The following EPHA3 variants were observed in gnomAD, a reference collection of about 807,000 sequenced individuals.
EPHA3 encodes ephrin type-A receptor 3.
A neutral mutation model predicts 107.1 loss-of-function variants in EPHA3; 42 were observed. That is an observed-to-expected ratio of 0.39 (90% CI 0.31 to 0.51). The LOEUF (loss-of-function observed/expected upper bound fraction) is 0.51, where lower values mean the gene tolerates loss of function less well. Ranked by LOEUF, EPHA3 falls within the 20% of genes least tolerant of loss-of-function variation. The pLI is 0.78. For missense variants in EPHA3, 1,183 were observed against 1,211.2 expected (o/e 0.98, Z 0.35); for synonymous variants, 461 against 424.8 (o/e 1.09, Z -1.05).
intron 1 of EPHA3, among the ~76,000 whole-genome samples, chr3:89,114,281 CG>C (rs1260501827): frequency 6.6e-6 from 1 of 152,104 alleles, no homozygotes; most frequent in Non-Finnish European, 1.5e-5. Flanking sequence ...CAGAGCCGTA[CG>C]GGTAGAGACA....
At chr3:89,271,732 G>A (rs760284810) in intron 3 of EPHA3, among the ~76,000 whole-genome samples, 4 of 151,406 alleles carry the variant, frequency 2.6e-5, no homozygotes, top group Admixed American at 6.6e-5. Flanking sequence ...AAAAGAAGAA[G>A]GAAAAAGAAA....
At chr3:89,118,674 T>C (rs1318111467) in intron 1 of EPHA3, among the ~76,000 whole-genome samples, 3 of 151,906 alleles carry the variant, frequency 2.0e-5, no homozygotes, top group Non-Finnish European at 4.4e-5. Flanking sequence ...AATTGCCTGT[T>C]ACATAATGAC....
At chr3:89,207,692 G>A (rs1706140171) in intron 2 of EPHA3, among the ~76,000 whole-genome samples, 1 of 151,714 alleles carries the variant, frequency 6.6e-6, no homozygotes, top group African/African-American at 2.4e-5. Context: ...GAAAAATGTA[G>A]GAACACATTT....
chr3:89,245,202 T>C (rs1468424682), intron 3 of EPHA3, among the ~76,000 whole-genome samples: 1 of 152,230 alleles, frequency 6.6e-6, no homozygotes, highest in Non-Finnish European at 1.5e-5. Flanking sequence ...TAAAGATTTA[T>C]GTACTCTTTA....
At chr3:89,148,648 A>G (rs1479357935) in intron 2 of EPHA3, among the ~76,000 whole-genome samples, 2 of 152,002 alleles carry the variant, frequency 1.3e-5, no homozygotes, top group Non-Finnish European at 2.9e-5. Flanking sequence ...AACTTTCAGA[A>G]TAATAAAACA....
intron 3 of EPHA3, among the ~76,000 whole-genome samples, chr3:89,328,362 C>A (rs889159266): frequency 2.6e-5 from 4 of 152,138 alleles, no homozygotes; most frequent in African/African-American, 9.7e-5. Flanking sequence ...ATTAAGCATT[C>A]TCTACTCCTA....
At chr3:89,380,058 A>G (rs1352226653) in intron 5 of EPHA3, among the ~76,000 whole-genome samples, 1 of 152,200 alleles carries the variant, frequency 6.6e-6, no homozygotes, top group African/African-American at 2.4e-5. Flanking sequence ...TATATAGGCC[A>G]TATGTTAAGC....
intron 5 of EPHA3, among the ~76,000 whole-genome samples, chr3:89,350,228 A>T (rs1395697467): frequency 6.6e-6 from 1 of 150,588 alleles, no homozygotes; most frequent in Non-Finnish European, 1.5e-5. Flanking sequence ...ACTTGGTTCC[A>T]TTCTCCCCGT....
chr3:89,425,042 G>A (rs1466421288), intron 11 of EPHA3, among the ~76,000 whole-genome samples: 1 of 151,236 alleles, frequency 6.6e-6, no homozygotes, highest in Non-Finnish European at 1.5e-5. Context: ...ATTGTAACTG[G>A]CACAGTGGTA....
intron 2 of EPHA3, among the ~76,000 whole-genome samples, chr3:89,208,737 A>C (rs1216715397): frequency 6.6e-6 from 1 of 152,186 alleles, no homozygotes; most frequent in East Asian, 1.9e-4. Flanking sequence ...TGGAAATATT[A>C]CTTATCTCGA....
At chr3:89,244,241 A>C (rs1704978564) in intron 3 of EPHA3, among the ~76,000 whole-genome samples, 1 of 152,126 alleles carries the variant, frequency 6.6e-6, no homozygotes, top group Non-Finnish European at 1.5e-5. Flanking sequence ...TAAAATAGCT[A>C]GGTTACCAGG....
intron 1 of EPHA3, among the ~76,000 whole-genome samples, chr3:89,115,488 A>T (rs1023502809): frequency 2.6e-5 from 4 of 152,054 alleles, no homozygotes; most frequent in Non-Finnish European, 5.9e-5. Context: ...TGCTATCGAG[A>T]TAGCTTGGTG....
intron 5 of EPHA3, among the ~76,000 whole-genome samples, chr3:89,355,288 T>C (rs1707921086): frequency 6.6e-6 from 1 of 151,278 alleles, no homozygotes; most frequent in South Asian, 2.1e-4. Flanking sequence ...TATTGCTTTA[T>C]CTTTCTGTGA....
chr3:89,299,936 T>C (rs1462991527), intron 3 of EPHA3, among the ~76,000 whole-genome samples: 1 of 152,076 alleles, frequency 6.6e-6, no homozygotes, highest in East Asian at 1.9e-4. Flanking sequence ...GTTCTACATA[T>C]TTAAGTGTCG....
At chr3:89,228,045 G>C (rs1195167534) in intron 3 of EPHA3, among the ~76,000 whole-genome samples, 1 of 151,934 alleles carries the variant, frequency 6.6e-6, no homozygotes, top group African/African-American at 2.4e-5. Flanking sequence ...ATTATGTTTG[G>C]CATGTGTGAT....
intron 2 of EPHA3, among the ~76,000 whole-genome samples, chr3:89,188,200 T>C (rs903282766): frequency 2.6e-5 from 4 of 152,176 alleles, no homozygotes; most frequent in South Asian, 4.1e-4. Flanking sequence ...TAAAATGTTA[T>C]TGAAGAAACA....
intron 3 of EPHA3, among the ~76,000 whole-genome samples, chr3:89,219,280 C>T (rs1212386422): frequency 6.6e-6 from 1 of 152,040 alleles, no homozygotes; most frequent in Non-Finnish European, 1.5e-5. Context: ...TCTCCTGCCT[C>T]AGCCTCCTGA....
chr3:89,446,583 T>G (rs1358857879), intron 13 of EPHA3, among the ~76,000 whole-genome samples: 1 of 152,192 alleles, frequency 6.6e-6, no homozygotes, highest in Non-Finnish European at 1.5e-5. Flanking sequence ...TATTGTTTTT[T>G]TCTTATGACT....
intron 15 of EPHA3, among the ~76,000 whole-genome samples, chr3:89,452,645 A>G (rs1328723668): frequency 6.6e-6 from 1 of 151,792 alleles, no homozygotes; most frequent in South Asian, 2.1e-4. Flanking sequence ...TCTTCTGTGG[A>G]TTGCCTTTCA....
Sources: gnomAD v4.1 joint callset for allele counts (sites outside exome capture counted in the v4.1 genomes callset) on GRCh38, gnomAD v4.1.1 for gene constraint, MANE v1.5 for transcripts, NCBI Gene and HGNC (gene_info 2026-07-23, HGNC 2026-07-21) for gene names.